The following PTPRN2 variants were observed in gnomAD, a reference collection of about 807,000 sequenced individuals.
PTPRN2 encodes receptor-type tyrosine-protein phosphatase N2.
In PTPRN2, 74 loss-of-function variants were observed where a neutral mutation model predicts 118.8. That is an observed-to-expected ratio of 0.62 (90% CI 0.52 to 0.76). The LOEUF is 0.76. Ranked by LOEUF, PTPRN2 falls within the 30% of genes least tolerant of loss-of-function variation. The pLI, the probability that PTPRN2 is intolerant of heterozygous loss-of-function variation, is 0.00. For missense variants in PTPRN2, 1,481 were observed against 1,394.4 expected (o/e 1.06, Z -0.99); for synonymous variants, 641 against 608.0 (o/e 1.05, Z -0.80).
At chr7:157,936,061 C>T (rs1488525375) in intron 11 of PTPRN2, among the ~76,000 whole-genome samples, 3 of 152,206 alleles carry the variant, frequency 2.0e-5, no homozygotes, top group South Asian at 2.1e-4. Context: ...GGTGCAGCAA[C>T]GCCATTCTGT....
chr7:157,853,173 C>A (rs934231180), intron 12 of PTPRN2, among the ~76,000 whole-genome samples: 1 of 152,152 alleles, frequency 6.6e-6, no homozygotes, highest in Non-Finnish European at 1.5e-5. Context: ...AGCTCACTGG[C>A]AACACCACAC....
chr7:158,317,581 T>G (rs1802439638), intron 2 of PTPRN2, among the ~76,000 whole-genome samples: 1 of 152,256 alleles, frequency 6.6e-6, no homozygotes, highest in Non-Finnish European at 1.5e-5. Context: ...CCAATTAGTC[T>G]TTATTCGGCG....
At chr7:158,202,417 G>A (rs1175243662) in intron 4 of PTPRN2, among the ~76,000 whole-genome samples, 2 of 152,172 alleles carry the variant, frequency 1.3e-5, no homozygotes, top group African/African-American at 4.8e-5. Context: ...TCAGCAGGAG[G>A]GACAGCATGA....
intron 12 of PTPRN2, among the ~76,000 whole-genome samples, chr7:157,756,796 A>C (rs553891424): frequency 1.3e-4 from 20 of 152,126 alleles, no homozygotes; most frequent in Non-Finnish European, 1.6e-4. Flanking sequence ...AGGGAGGAAA[A>C]AAAAAAAAAA....
chr7:158,021,997 C>T (rs889099221), intron 11 of PTPRN2, among the ~76,000 whole-genome samples: 2 of 152,146 alleles, frequency 1.3e-5, no homozygotes, highest in African/African-American at 4.8e-5. Context: ...CTGGCTGAGC[C>T]GGGCAGCCTC....
intron 2 of PTPRN2, among the ~76,000 whole-genome samples, chr7:158,393,035 G>A (rs1812061913): frequency 6.6e-6 from 1 of 152,112 alleles, no homozygotes; most frequent in Non-Finnish European, 1.5e-5. Context: ...CAGCTGCCCA[G>A]GCCCCTGTGC....
intron 1 of PTPRN2, among the ~76,000 whole-genome samples, chr7:158,523,469 G>C (rs1344541484): frequency 7.0e-6 from 1 of 143,666 alleles, no homozygotes; most frequent in Non-Finnish European, 1.5e-5. Context: ...CCCTGGAGTG[G>C]AGTCCTCTGC....
rs1328373432 is a variant in PTPRN2 at position 157,585,483 on chromosome 7, C to T, written c.2497-7343G>A. Among the ~76,000 whole-genome samples the T allele has an allele frequency of 6.6e-6, 1 of 152,168 alleles. No homozygotes were observed. Among genetic ancestry groups the T allele is most frequent in the Non-Finnish European group, 1.5e-5 (1 of 68,022 alleles). Reference sequence around the variant, plus strand: ...TTCCCACGGTGGGAATGCACTCACACACTGGACTTCCTCTCCACCCGGCCT... The same window carrying T: ...TTCCCACGGTGGGAATGCACTCACATACTGGACTTCCTCTCCACCCGGCCT... On this transcript the variant is annotated intron_variant, in intron 17 of 22. Coordinates refer to ENST00000389418, the MANE Select transcript of PTPRN2 (RefSeq NM_002847.5). The surrounding 1 kb of genome is among the most constrained non-coding windows in gnomAD (Gnocchi z 5.2).
intron 22 of PTPRN2, among the ~76,000 whole-genome samples, chr7:157,545,293 A>ATGTGGGTGTGTACCACATGCGTGGGTG (rs1563200029): frequency 1.2e-4 from 13 of 113,000 alleles, no homozygotes; most frequent in African/African-American, 4.3e-4. Context: ...GCACGGCTGT[A>ATGTGGGTGTGTACCACATGCGTGGGTG]TGTGGGTGTG....
chr7:158,172,635 A>C (rs1236544927), intron 5 of PTPRN2, among the ~76,000 whole-genome samples: 1 of 148,276 alleles, frequency 6.7e-6, no homozygotes, highest in East Asian at 2.0e-4. Context: ...CAGCATCCCC[A>C]CCATCACCAT....
Position 157,897,885 on chromosome 7 carries a change from G to T in PTPRN2, c.1788+788C>A, listed in dbSNP as rs561710978. Among the ~76,000 whole-genome samples, 14 of 152,392 alleles carry T rather than the reference G, an allele frequency of 9.2e-5. No individual in the cohort carries two copies. In the South Asian group the frequency reaches 2.9e-3, roughly 32 times the overall value. ...TCTAATGGCGAGCGCTGTGAAACCC[G>T]AAATCTCGAACGCGGGAGCGCAGAT... On this transcript the variant is annotated intron_variant, in intron 12 of 22. Transcript: ENST00000389418.
rs963502280 is a variant in PTPRN2, at chr7:157,801,454, C to T, written c.1788+97219G>A. On this transcript the variant is annotated intron_variant, in intron 12 of 22. Coordinates refer to ENST00000389418, the MANE Select transcript of PTPRN2 (RefSeq NM_002847.5). This position sits in a 1 kb window ranked among gnomAD's most constrained non-coding sequence, Gnocchi z 4.2. ...CAGGTGCGGGGGATATTATCCTCCC[C>T]GTGAGAGCAGCTGCATGGATTTTTT... 2.0e-5 allele frequency among the ~76,000 whole-genome samples: 3 copies of T among 152,030 alleles called. No individual in the cohort carries two copies. Among genetic ancestry groups the T allele is most frequent in the Non-Finnish European group, 2.9e-5 (2 of 68,014 alleles).
intron 2 of PTPRN2, among the ~76,000 whole-genome samples, chr7:158,489,490 G>A (rs919639228): frequency 6.6e-6 from 1 of 152,368 alleles, no homozygotes; most frequent in African/African-American, 2.4e-5. Context: ...CCGAAGGACA[G>A]AGCAAAACAA....
Position 158,529,729 on chromosome 7 carries a change from G to A in PTPRN2, c.113-39944C>T, listed in dbSNP as rs1788794244. Among the ~76,000 whole-genome samples the A allele has an allele frequency of 6.6e-6, 1 of 152,098 alleles. No individual in the cohort carries two copies. Among genetic ancestry groups the A allele is most frequent in the African/African-American group, 2.4e-5 (1 of 41,392 alleles). Reference sequence around the variant, plus strand: ...ACCAGCCCCAGGGGCTGTGGGGAGGGGCGGTCACCAGAAGGGGCCAGGCGG... The same window carrying A: ...ACCAGCCCCAGGGGCTGTGGGGAGGAGCGGTCACCAGAAGGGGCCAGGCGG... On this transcript the variant is annotated intron_variant, in intron 1 of 22. Coordinates refer to ENST00000389418, the MANE Select transcript of PTPRN2 (RefSeq NM_002847.5). The surrounding 1 kb of genome is among the most constrained non-coding windows in gnomAD (Gnocchi z 4.7).
intron 11 of PTPRN2, among the ~76,000 whole-genome samples, chr7:158,026,201 C>G (rs1198455935): frequency 6.6e-6 from 1 of 152,202 alleles, no homozygotes; most frequent in African/African-American, 2.4e-5. Context: ...GAGTAAGTGC[C>G]TATTTAGGAA....
At chr7:157,773,783 C>T (rs1002049887) in intron 12 of PTPRN2, among the ~76,000 whole-genome samples, 16 of 152,156 alleles carry the variant, frequency 1.1e-4, no homozygotes, top group South Asian at 2.1e-4. Flanking sequence ...GGCTTGTGTC[C>T]GCCTCATCCA....
intron 11 of PTPRN2, among the ~76,000 whole-genome samples, chr7:157,971,378 T>C (rs935616432): frequency 3.9e-5 from 6 of 152,222 alleles, no homozygotes; most frequent in African/African-American, 1.4e-4. Context: ...TCCACCCCAG[T>C]GCAGCATAGA....
chr7:158,552,334 A>G (rs1416681211), intron 1 of PTPRN2, among the ~76,000 whole-genome samples: 1 of 150,988 alleles, frequency 6.6e-6, no homozygotes, highest in Non-Finnish European at 1.5e-5. Context: ...GGGCTCCAGT[A>G]CATGCATTTG....
intron 11 of PTPRN2, among the ~76,000 whole-genome samples, chr7:158,005,514 C>G (rs1185555085): frequency 6.6e-6 from 1 of 152,252 alleles, no homozygotes; most frequent in African/African-American, 2.4e-5. Context: ...ATTCACTAAT[C>G]TAACACTGGC....
Sources: allele counts gnomAD v4.1 joint callset (sites outside exome capture counted in the v4.1 genomes callset), GRCh38; gene constraint gnomAD v4.1.1; non-coding constraint Gnocchi (gnomAD v3.1); transcripts MANE v1.5; gene names NCBI Gene and HGNC (gene_info 2026-07-23, HGNC 2026-07-21).